The following PCDHGA8 variants were observed in gnomAD, a reference collection of about 807,000 sequenced individuals.
PCDHGA8 encodes the protein protocadherin gamma subfamily A, 8, also known as protocadherin gamma-A8.
In PCDHGA8, 45 loss-of-function variants were observed where a neutral mutation model predicts 59.2. The observed-to-expected ratio is 0.76, with a 90% CI of 0.60 to 0.98. The LOEUF (loss-of-function observed/expected upper bound fraction) is 0.98, where lower values mean the gene tolerates loss of function less well. PCDHGA8 is among the 50% of genes least tolerant of loss of function. The probability of loss-of-function intolerance (pLI) is 0.00; values close to 1 mark genes in which losing one functional copy is unlikely to be tolerated. For missense variants in PCDHGA8, 1,257 were observed against 1,196.2 expected (o/e 1.05, Z -0.75); for synonymous variants, 531 against 519.0 (o/e 1.02, Z -0.32).
At chr5:141,495,480 C>A (rs2099761689) in intron 2 of PCDHGA8, among the ~76,000 whole-genome samples, 1 of 152,208 alleles carries the variant, frequency 6.6e-6, no homozygotes, top group African/African-American at 2.4e-5. Flanking sequence ...CGTGTCTCTG[C>A]CCCTTTTTCT....
At position 141,489,297 on chromosome 5, in the gene PCDHGA8, G is replaced by A. The variant is rs184934961; in HGVS notation, c.2425-5510G>A. 5.1e-6 allele frequency: 8 copies of A among 1,583,774 alleles called. No homozygotes were observed. Among genetic ancestry groups the A allele is most frequent in the Non-Finnish European group, 6.9e-6 (8 of 1,164,904 alleles). ...GGAAATGGCAAGTGCTGTGCATGTT[G>A]TCCTTGTGCTGCTGGGGCTGGGTGT... is the stretch of plus-strand genomic sequence containing the variant. On this transcript the variant is annotated intron_variant, in intron 1 of 3. Coordinates refer to ENST00000398604, the MANE Select transcript of PCDHGA8 (RefSeq NM_032088.2). This position sits in a 1 kb window ranked among gnomAD's most constrained non-coding sequence, Gnocchi z 4.5.
chr5:141,504,078 C>T (rs1333392062), intron 2 of PCDHGA8, among the ~76,000 whole-genome samples: 1 of 152,078 alleles, frequency 6.6e-6, no homozygotes, highest in Non-Finnish European at 1.5e-5. Flanking sequence ...CCAGATGGTG[C>T]CAAACAGTTA....
At chr5:141,419,190 A>G in intron 1 of PCDHGA8, 1 of 1,613,930 alleles carries the variant, frequency 6.2e-7, no homozygotes, top group South Asian at 1.1e-5. Flanking sequence ...CACATTACTG[A>G]CGTCAATGAC....
chr5:141,393,414 G>C lies in PCDHGA8; in HGVS notation c.601G>C (p.Asp201His), dbSNP rs199973289. 738 of 1,614,038 alleles carry C rather than the reference G, an allele frequency of 4.6e-4. No individual in the cohort carries two copies. The highest frequency in any genetic ancestry group is 5.2e-4 in the Non-Finnish European group (617 of 1,179,898). Reference sequence around the variant, plus strand: ...AGAGCTGGTGCTGGAGCGCGCCCTGGACAGGGAGGAAGAGGCTGCTCACCA... The same window carrying C: ...AGAGCTGGTGCTGGAGCGCGCCCTGCACAGGGAGGAAGAGGCTGCTCACCA... ...NPELVLERAL[D>H]REEEAAHHLV... The change falls in exon 1 of 4, where the codon GAC becomes CAC. Residue 201 changes from aspartate to histidine, a missense_variant. Physicochemically the swap from Asp to His is moderately conservative, Grantham distance 81. Coordinates refer to ENST00000398604, the MANE Select transcript of PCDHGA8 (RefSeq NM_032088.2).
At position 141,489,207 on chromosome 5, in the gene PCDHGA8, A is replaced by T; in HGVS notation, c.2425-5600A>T. The T allele has an allele frequency of 6.9e-7, 1 of 1,452,692 alleles. No homozygotes were observed. The highest frequency in any genetic ancestry group is 9.3e-7 in the Non-Finnish European group (1 of 1,073,586). 90.0% of individuals were successfully genotyped at this position (1,452,692 alleles called of 1,614,324 possible). ...GGGTCTACCTTGGAGACAGGACAGC[A>T]CAGACTTACTCTCCACAAAGGGACT... On this transcript the variant is annotated intron_variant, in intron 1 of 3. Transcript: ENST00000398604. The surrounding 1 kb of genome is among the most constrained non-coding windows in gnomAD (Gnocchi z 4.5).
At position 141,432,307 on chromosome 5, in the gene PCDHGA8, G is replaced by A. The variant is rs2097484688; in HGVS notation, c.2424+37070G>A. On this transcript the variant is annotated intron_variant, in intron 1 of 3. Transcript: ENST00000398604. The surrounding 1 kb of genome is among the most constrained non-coding windows in gnomAD (Gnocchi z 6.0). ...ACTCCGACACTGGGGTACTGTATGC[G>A]CTGAGCTCCTTCGACTACGAGCAGT... The A allele has an allele frequency of 5.0e-6, 8 of 1,614,240 alleles. No individual in the cohort carries two copies. Among genetic ancestry groups the A allele is most frequent in the South Asian group, 1.1e-5 (1 of 91,086 alleles).
At chr5:141,505,245 A>G (rs530515894) in intron 2 of PCDHGA8, 148 bp from the exon 3 acceptor site, 294 of 1,430,832 alleles carry the variant, frequency 2.1e-4, no homozygotes, top group Admixed American at 1.8e-3. Flanking sequence ...GAAGGATTGT[A>G]GAAGTGCCTC....
chr5:141,397,223 T>G (rs144227558), intron 1 of PCDHGA8, among the ~76,000 whole-genome samples: 2 of 152,186 alleles, frequency 1.3e-5, no homozygotes, highest in Admixed American at 6.5e-5. Context: ...TATTTTGAGA[T>G]ATGAAGAAGA....
Position 141,432,593 on chromosome 5 carries a change from A to G in PCDHGA8, c.2424+37356A>G, listed in dbSNP as rs2097518945. ...GCTGTCCTACCGTCTGCTCAAGGCC[A>G]GCGAGCCGGGACTCTTCTCGGTGGG... On this transcript the variant is annotated intron_variant, in intron 1 of 3. Transcript: ENST00000398604. The surrounding 1 kb of genome is among the most constrained non-coding windows in gnomAD (Gnocchi z 6.0). 6.2e-7 allele frequency: 1 copy of G among 1,612,958 alleles called. No individual in the cohort carries two copies. Among genetic ancestry groups the G allele is most frequent in the Non-Finnish European group, 8.5e-7 (1 of 1,179,834 alleles).
Position 141,477,148 on chromosome 5 carries a change from T to A in PCDHGA8, c.2425-17659T>A. 1 of 1,614,172 alleles carries A rather than the reference T, an allele frequency of 6.2e-7. No individual in the cohort carries two copies. Among genetic ancestry groups the A allele is most frequent in the African/African-American group, 1.3e-5 (1 of 75,050 alleles). On this transcript the variant is annotated intron_variant, in intron 1 of 3. Transcript: ENST00000398604. This position sits in a 1 kb window ranked among gnomAD's most constrained non-coding sequence, Gnocchi z 4.9. ...GCAAAGTGTTGGTGGAGGTTGTGGA[T>A]GTGAATGACAACGCCCCGGAGATCA...
Position 141,398,900 on chromosome 5 carries a change from G to A in PCDHGA8, c.2424+3663G>A, listed in dbSNP as rs765284630. Reference sequence around the variant, plus strand: ...AGCCTTCGGGAAAACGTGCCACCAGGCACCACTGTGTTGCAAGTGTCAGCC... The same window carrying A: ...AGCCTTCGGGAAAACGTGCCACCAGACACCACTGTGTTGCAAGTGTCAGCC... On this transcript the variant is annotated intron_variant, in intron 1 of 3. Coordinates refer to ENST00000398604, the MANE Select transcript of PCDHGA8 (RefSeq NM_032088.2). The A allele has an allele frequency of 3.1e-6, 5 of 1,613,846 alleles. No individual in the cohort carries two copies. In the East Asian group the frequency reaches 6.7e-5, roughly 22 times the overall value.
intron 1 of PCDHGA8, among the ~76,000 whole-genome samples, chr5:141,402,461 C>T (rs892900332): frequency 6.6e-6 from 1 of 151,994 alleles, no homozygotes; most frequent in Non-Finnish European, 1.5e-5. Context: ...GTTTACATAT[C>T]TAGAAATAGA....
chr5:141,410,358 T>C, intron 1 of PCDHGA8: 2 of 1,614,070 alleles, frequency 1.2e-6, no homozygotes, highest in Non-Finnish European at 8.5e-7. Flanking sequence ...CGACGCTCTC[T>C]CAGCCCTGCT....
At position 141,511,355 on chromosome 5, in the gene PCDHGA8, G is replaced by A; in HGVS notation, c.*182G>A. On this transcript the variant is annotated 3_prime_UTR_variant, in exon 4 of 4. Coordinates refer to ENST00000398604, the MANE Select transcript of PCDHGA8 (RefSeq NM_032088.2). ...TCAGCACCTACCCCTTCCCCCCCAG[G>A]GGGTTGAATATGCAAAAGCAGTTCC... 4 of 1,379,256 alleles carry A rather than the reference G, an allele frequency of 2.9e-6. No individual in the cohort carries two copies. The highest frequency in any genetic ancestry group is 3.9e-6 in the Non-Finnish European group (4 of 1,035,886). 85.4% of individuals were successfully genotyped at this position (1,379,256 alleles called of 1,614,324 possible).
At chr5:141,413,804 C>G in intron 1 of PCDHGA8, 1 of 1,613,194 alleles carries the variant, frequency 6.2e-7, no homozygotes, top group Non-Finnish European at 8.5e-7. Context: ...GAGGAAGAGG[C>G]CATTCACCAC....
Position 141,431,581 on chromosome 5 carries a change from T to A in PCDHGA8, c.2424+36344T>A, listed in dbSNP as rs749863807. Reference sequence around the variant, plus strand: ...CTACCGACCCTGACGAAGGAGTCAATGCGGAAGTGAGGTATTCCTTCCGGT... The same window carrying A: ...CTACCGACCCTGACGAAGGAGTCAAAGCGGAAGTGAGGTATTCCTTCCGGT... On this transcript the variant is annotated intron_variant, in intron 1 of 3. Coordinates refer to ENST00000398604, the MANE Select transcript of PCDHGA8 (RefSeq NM_032088.2). This position sits in a 1 kb window ranked among gnomAD's most constrained non-coding sequence, Gnocchi z 4.8. 3.1e-6 allele frequency: 5 copies of A among 1,614,160 alleles called. No individual in the cohort carries two copies. In the South Asian group the frequency reaches 5.5e-5, roughly 18 times the overall value.
rs747671382 is a variant in PCDHGA8 at position 141,444,152 on chromosome 5, ATTTTTTTTTTTTTTTTTTTT to A, written c.2424+48932_2424+48951del. ...GATATGTGTCACTTGTGTGTACTGG[ATTTTTTTTTTTTTTTTTTTT>A]TTTTTTTTTTTTTTTTGAGATGGAG... On this transcript the variant is annotated intron_variant, in intron 1 of 3. Transcript: ENST00000398604. 2.4e-4 allele frequency among the ~76,000 whole-genome samples: 8 copies of A among 33,898 alleles called. No homozygotes were observed. In the East Asian group the frequency reaches 3.0e-3, roughly 13 times the overall value. 22.2% of individuals were successfully genotyped at this position (33,898 alleles called of 152,430 possible). A position where few individuals can be genotyped will look rare whatever the true frequency, so the allele number is the denominator to read the frequency against.
intron 1 of PCDHGA8, among the ~76,000 whole-genome samples, chr5:141,474,588 A>G (rs2099351676): frequency 6.6e-6 from 1 of 152,258 alleles, no homozygotes; most frequent in Non-Finnish European, 1.5e-5. Context: ...TGTTAAAGAC[A>G]TGGAAATATA....
In PCDHGA8 at chr5:141,395,126, C is replaced by T; in HGVS notation, c.2313C>T (p.Pro771=). 3 of 1,614,196 alleles carry T rather than the reference C, an allele frequency of 1.9e-6. No homozygotes were observed. The highest frequency in any genetic ancestry group is 2.5e-6 in the Non-Finnish European group (3 of 1,180,038). ...CGCGGAAGAGTCACCTGATCTTTCC[C>T]CAGCCCAACTACGCAGACATGCTCA... ...ADSRKSHLIF[P]QPNYADMLIS... The change falls in exon 1 of 4, where the codon CCC becomes CCT. Residue 771 remains proline (P), a synonymous_variant. Coordinates refer to ENST00000398604, the MANE Select transcript of PCDHGA8 (RefSeq NM_032088.2).
Sources: allele counts gnomAD v4.1 joint callset (sites outside exome capture counted in the v4.1 genomes callset), GRCh38; gene constraint gnomAD v4.1.1; non-coding constraint Gnocchi (gnomAD v3.1); transcripts MANE v1.5; gene names NCBI Gene and HGNC (gene_info 2026-07-23, HGNC 2026-07-21).